NWD2: variants seen among roughly 807,000 people sequenced by gnomAD.
The protein encoded by NWD2 is NACHT and WD repeat domain containing 2, also known as NACHT and WD repeat domain-containing protein 2.
Under a neutral mutation model 132.7 loss-of-function variants are expected in NWD2, and 37 were observed. The ratio of observed to expected loss-of-function variants is 0.28; its 90% confidence interval spans 0.21 to 0.37. The LOEUF is 0.37. Among genes scored for constraint, NWD2 ranks in the 10% least tolerant of loss-of-function variants. The pLI, the probability that NWD2 is intolerant of heterozygous loss-of-function variation, is 1.00. For synonymous variants in NWD2, 705 were observed against 803.0 expected, an observed-to-expected ratio of 0.88 and a Z score of 2.06; for missense variants, 1,592 against 2,122.4, an observed-to-expected ratio of 0.75 and a Z score of 4.91.
intron 1 of NWD2, among the ~76,000 whole-genome samples, chr4:37,262,790 T>A (rs562206955): frequency 1.3e-5 from 2 of 152,274 alleles, no homozygotes; most frequent in Admixed American, 6.5e-5. Flanking sequence ...ATATGTGGCC[T>A]GGGAAGACAG....
chr4:37,366,576 G>A (rs866941930), intron 3 of NWD2, among the ~76,000 whole-genome samples: 3 of 152,004 alleles, frequency 2.0e-5, no homozygotes, highest in Middle Eastern at 3.2e-3. Context: ...TTAAATACAG[G>A]TTCAACTGTA....
intron 1 of NWD2, among the ~76,000 whole-genome samples, chr4:37,299,047 A>G (rs565183872): frequency 1.3e-5 from 2 of 152,202 alleles, no homozygotes; most frequent in South Asian, 2.1e-4. Context: ...TTTCCTGTGT[A>G]TCTAATTTAT....
At chr4:37,325,740 G>A (rs781064302) in intron 1 of NWD2, among the ~76,000 whole-genome samples, 196 bp from the exon 2 acceptor site, 3 of 152,122 alleles carry the variant, frequency 2.0e-5, no homozygotes, top group East Asian at 1.9e-4. Context: ...TGGACTGCTC[G>A]TGAGTGCCTG....
intron 1 of NWD2, among the ~76,000 whole-genome samples, chr4:37,257,092 G>A (rs79851218): frequency 0.014 from 2,077 of 152,168 alleles, 41 homozygotes; most frequent in African/African-American, 0.047. Flanking sequence ...CCCCATGGAC[G>A]GACCCTGTGG....
At chr4:37,400,960 A>G (rs1300362761) in intron 3 of NWD2, among the ~76,000 whole-genome samples, 6 of 152,220 alleles carry the variant, frequency 3.9e-5, no homozygotes, top group African/African-American at 1.2e-4. Context: ...AGGATTATTA[A>G]GCATTCTTCA....
At position 37,245,282 on chromosome 4, in the gene NWD2, A is replaced by T. The variant is rs1010439491; in HGVS notation, c.151+64A>T. 10 of 1,465,764 alleles carry T rather than the reference A, an allele frequency of 6.8e-6. No individual in the cohort carries two copies. The Admixed American group carries it at 1.4e-4, about 20-fold the overall frequency. 90.8% of individuals were successfully genotyped at this position (1,465,764 alleles called of 1,614,324 possible). A position where few individuals can be genotyped will look rare whatever the true frequency, so the allele number is the denominator to read the frequency against. On this transcript the variant is annotated intron_variant, in intron 1 of 6. Transcript: ENST00000309447. ...TCCGTCAGCGCTGCGGGAGCTGGAG[A>T]GTGTGTGTCCGCCCCACAGCCCGGT... is the stretch of plus-strand genomic sequence containing the variant.
At chr4:37,272,484 A>G (rs1717891984) in intron 1 of NWD2, among the ~76,000 whole-genome samples, 1 of 151,774 alleles carries the variant, frequency 6.6e-6, no homozygotes, top group South Asian at 2.1e-4. Context: ...TTTCTGTTTT[A>G]TCTTGCAACA....
chr4:37,408,491 G>A (rs1174316899), intron 3 of NWD2, among the ~76,000 whole-genome samples: 1 of 152,216 alleles, frequency 6.6e-6, no homozygotes, highest in Non-Finnish European at 1.5e-5. Flanking sequence ...TTTCTTCTCT[G>A]GGCAGGGCAT....
chr4:37,407,284 G>A (rs1326166674), intron 3 of NWD2, among the ~76,000 whole-genome samples: 1 of 152,158 alleles, frequency 6.6e-6, no homozygotes, highest in South Asian at 2.1e-4. Flanking sequence ...TTATAGGGAA[G>A]CTAATTGAAG....
intron 2 of NWD2, 67 bp downstream of exon 2, chr4:37,326,091 C>A: frequency 1.9e-6 from 2 of 1,047,536 alleles, no homozygotes; most frequent in South Asian, 1.5e-5. Flanking sequence ...TTTCTTGTCA[C>A]AACTTGAGTG....
chr4:37,278,797 C>T (rs550472559), intron 1 of NWD2, among the ~76,000 whole-genome samples: 32 of 152,220 alleles, frequency 2.1e-4, no homozygotes, highest in African/African-American at 6.0e-4. Context: ...ATATTTAACC[C>T]GATTTCTGAC....
intron 3 of NWD2, among the ~76,000 whole-genome samples, chr4:37,382,826 G>A (rs537779471): frequency 6.6e-6 from 1 of 152,128 alleles, no homozygotes; most frequent in Non-Finnish European, 1.5e-5. Flanking sequence ...GAGTAGCTGG[G>A]ATTACAGGCG....
chr4:37,411,890 A>T (rs896546118), intron 3 of NWD2, among the ~76,000 whole-genome samples: 4 of 152,212 alleles, frequency 2.6e-5, no homozygotes, highest in African/African-American at 9.7e-5. Flanking sequence ...AAACCACATG[A>T]TTATCTCAAT....
At position 37,445,950 on chromosome 4, in the gene NWD2, G is replaced by A. The variant is rs1480911335; in HGVS notation, c.3962G>A (p.Ser1321Asn). The change falls in exon 7 of 7, where the codon AGT becomes AAT. Residue 1321 changes from serine to asparagine, a missense_variant. By Grantham distance (46) the Ser-to-Asn change is conservative (BLOSUM62 1). Coordinates refer to ENST00000309447, the MANE Select transcript of NWD2 (RefSeq NM_001144990.2). This position sits in a 1 kb window ranked among gnomAD's most constrained non-coding sequence, Gnocchi z 4.7. ...NIDKTGKPIQ[S>N]LLLPARGEII... ...GATAAGACTGGAAAACCCATCCAAA[G>A]TCTGTTGTTGCCTGCTAGAGGGGAA... 2.6e-6 allele frequency: 4 copies of A among 1,551,536 alleles called. No homozygotes were observed. The highest frequency in any genetic ancestry group is 3.5e-6 in the Non-Finnish European group (4 of 1,146,974).
intron 1 of NWD2, among the ~76,000 whole-genome samples, chr4:37,303,339 T>C (rs1004578837): frequency 2.0e-5 from 3 of 152,218 alleles, no homozygotes; most frequent in African/African-American, 7.2e-5. Flanking sequence ...TATCATGCTG[T>C]TTCGGTTACG....
At chr4:37,272,144 A>T (rs1451267205) in intron 1 of NWD2, among the ~76,000 whole-genome samples, 1 of 151,826 alleles carries the variant, frequency 6.6e-6, no homozygotes, top group Non-Finnish European at 1.5e-5. Flanking sequence ...TCTTCTTCAG[A>T]TAACCTAACT....
rs575015803 is a variant in NWD2 at position 37,273,711 on chromosome 4, C to G, written c.151+28493C>G. On this transcript the variant is annotated intron_variant, in intron 1 of 6. Transcript: ENST00000309447. ...GCACTCCTCAGCAAATGTAAAAGGA[C>G]AGAAATTATTACAAACTGTTTCTTA... Among the ~76,000 whole-genome samples the G allele has an allele frequency of 3.3e-5, 5 of 152,134 alleles. No individual in the cohort carries two copies. In the East Asian group the frequency reaches 9.7e-4, roughly 29 times the overall value.
At chr4:37,277,177 G>A (rs1272454566) in intron 1 of NWD2, among the ~76,000 whole-genome samples, 2 of 151,196 alleles carry the variant, frequency 1.3e-5, no homozygotes, top group African/African-American at 4.9e-5. Context: ...ATCCTCTGCA[G>A]TATGAGATGT....
Position 37,343,345 on chromosome 4 carries a change from A to G in NWD2, c.241-13021A>G, listed in dbSNP as rs149965624. On this transcript the variant is annotated intron_variant, in intron 2 of 6. Coordinates refer to ENST00000309447, the MANE Select transcript of NWD2 (RefSeq NM_001144990.2). ...TCAAAGCTTTCTGAATCAGCTCTGT[A>G]CACTTGAATATTTTTAGTGGTAGCA... is the stretch of plus-strand genomic sequence containing the variant. 4.5e-3 allele frequency among the ~76,000 whole-genome samples: 689 copies of G among 152,342 alleles called. 7 individuals carry two copies. The highest frequency in any genetic ancestry group is 0.016 in the African/African-American group (656 of 41,576).
Sources: allele counts gnomAD v4.1 joint callset (sites outside exome capture counted in the v4.1 genomes callset), GRCh38; gene constraint gnomAD v4.1.1; non-coding constraint Gnocchi (gnomAD v3.1); transcripts MANE v1.5; gene names NCBI Gene and HGNC (gene_info 2026-07-23, HGNC 2026-07-21).